The following RANBP17 variants were observed in gnomAD, a reference collection of about 807,000 sequenced individuals.
The protein encoded by RANBP17 is ran-binding protein 17.
Under a neutral mutation model 141.2 loss-of-function variants are expected in RANBP17, and 158 were observed. That is an observed-to-expected ratio of 1.12 (90% confidence interval 0.98 to 1.28). RANBP17 has a LOEUF of 1.28. Among genes scored for constraint, RANBP17 ranks in the 50% most tolerant of loss-of-function variants. The pLI is 0.00. For missense variants in RANBP17, 1,438 were observed against 1,290.7 expected, an observed-to-expected ratio of 1.11 and a Z score of -1.75; for synonymous variants, 430 against 450.0, an observed-to-expected ratio of 0.96 and a Z score of 0.56.
At chr5:171,260,481 GAGAT>G (rs1043131606) in intron 24 of RANBP17, among the ~76,000 whole-genome samples, 39 of 147,308 alleles carry the variant, frequency 2.6e-4, no homozygotes, top group African/African-American at 6.8e-4. Flanking sequence ...AAAAAAAAAA[GAGAT>G]AGATAACAGA....
chr5:171,026,263 C>A (rs900486820), intron 14 of RANBP17, among the ~76,000 whole-genome samples: 9 of 152,182 alleles, frequency 5.9e-5, no homozygotes, highest in African/African-American at 1.9e-4. Context: ...CCTTACAACA[C>A]CCTTACAATG....
chr5:171,185,796 T>C (rs1269789996), intron 18 of RANBP17, among the ~76,000 whole-genome samples: 3 of 152,272 alleles, frequency 2.0e-5, no homozygotes, highest in South Asian at 2.1e-4. Flanking sequence ...GTTGATATTA[T>C]GACCTCCCCA....
Position 170,924,488 on chromosome 5 carries a change from A to G in RANBP17, c.1406A>G (p.Gln469Arg), listed in dbSNP as rs1265688590. 6.2e-7 allele frequency: 1 copy of G among 1,613,060 alleles called. No individual in the cohort carries two copies. Among genetic ancestry groups the G allele is most frequent in the South Asian group, 1.1e-5 (1 of 91,006 alleles). Residue 469 changes from glutamine (Q) to arginine (R), a missense_variant, in exon 12 of 28, where the codon CAG becomes CGG. By Grantham distance (43) the Gln-to-Arg change is conservative (BLOSUM62 1). Transcript: ENST00000523189. ...LLVQLFDQNAQNYQKLLHPYS... is the reference protein window; with the variant it reads ...LLVQLFDQNARNYQKLLHPYS... ...GTGCAGTTATTCGACCAAAATGCAC[A>G]GAATTACCAAAAACTTCTGCATCCA...
intron 14 of RANBP17, among the ~76,000 whole-genome samples, chr5:171,149,369 T>G (rs994027576): frequency 1.3e-5 from 2 of 152,242 alleles, no homozygotes; most frequent in Non-Finnish European, 2.9e-5. Flanking sequence ...AGGAGAACTG[T>G]TTCCTATCTT....
At chr5:171,187,431 C>T (rs1354625818) in intron 18 of RANBP17, among the ~76,000 whole-genome samples, 1 of 150,488 alleles carries the variant, frequency 6.6e-6, no homozygotes, top group East Asian at 1.9e-4. Flanking sequence ...TGCCACAAAT[C>T]TTTAATTTGT....
At chr5:171,039,627 A>G (rs1782127168) in intron 14 of RANBP17, among the ~76,000 whole-genome samples, 1 of 152,020 alleles carries the variant, frequency 6.6e-6, no homozygotes, top group African/African-American at 2.4e-5. Context: ...ATAGACTGCT[A>G]GCTAGACTAA....
intron 14 of RANBP17, among the ~76,000 whole-genome samples, chr5:171,006,246 G>T (rs1206024473): frequency 2.6e-5 from 4 of 152,186 alleles, no homozygotes; most frequent in Non-Finnish European, 5.9e-5. Flanking sequence ...CCATTACTGG[G>T]TATATACCCA....
At chr5:170,923,687 G>A (rs1772665563) in intron 11 of RANBP17, among the ~76,000 whole-genome samples, 2 of 152,010 alleles carry the variant, frequency 1.3e-5, no homozygotes, top group Admixed American at 1.3e-4. Flanking sequence ...ACATTTTATG[G>A]TATTTAGCCT....
chr5:171,125,872 C>T (rs1011279816), intron 14 of RANBP17, among the ~76,000 whole-genome samples: 3 of 151,604 alleles, frequency 2.0e-5, no homozygotes, highest in African/African-American at 7.3e-5. Flanking sequence ...CTCAGTGCAA[C>T]CTCTGCCTCC....
chr5:171,277,668 T>TATATATATA (rs1491204335), intron 25 of RANBP17, among the ~76,000 whole-genome samples: 1 of 136,658 alleles, frequency 7.3e-6, no homozygotes, highest in African/African-American at 2.7e-5. Flanking sequence ...TATATATATA[T>TATATATATA]TTATGTCTTA....
chr5:171,012,803 T>C (rs968464340), intron 14 of RANBP17, among the ~76,000 whole-genome samples: 1 of 152,192 alleles, frequency 6.6e-6, no homozygotes, highest in Non-Finnish European at 1.5e-5. Context: ...ATATTTTCTT[T>C]TAGTTGAGAA....
chr5:171,249,140 C>A (rs2128001982), intron 24 of RANBP17, among the ~76,000 whole-genome samples: 1 of 152,304 alleles, frequency 6.6e-6, no homozygotes, highest in South Asian at 2.1e-4. Flanking sequence ...CACCCTAACC[C>A]TCCAAGAAAG....
intron 1 of RANBP17, among the ~76,000 whole-genome samples, chr5:170,871,019 C>T (rs1163846430): frequency 6.6e-6 from 1 of 152,072 alleles, no homozygotes; most frequent in Non-Finnish European, 1.5e-5. Flanking sequence ...TAAATGTCTT[C>T]TTTTGAGAAG....
At chr5:170,922,516 C>A (rs1772549015) in intron 11 of RANBP17, among the ~76,000 whole-genome samples, 1 of 152,174 alleles carries the variant, frequency 6.6e-6, no homozygotes, top group African/African-American at 2.4e-5. Flanking sequence ...ATTCAAGCCT[C>A]AGCAATGGCG....
chr5:171,291,844 G>A, intron 25 of RANBP17, among the ~76,000 whole-genome samples: 1 of 152,076 alleles, frequency 6.6e-6, no homozygotes. Flanking sequence ...ACCCATTTTA[G>A]CACAGTTTAT....
intron 14 of RANBP17, among the ~76,000 whole-genome samples, chr5:170,994,913 T>C (rs1039092512): frequency 2.6e-5 from 4 of 152,116 alleles, no homozygotes; most frequent in Admixed American, 1.3e-4. Context: ...CTAGATCTTA[T>C]GTCAGAAAAC....
chr5:171,232,453 A>G (rs1201793258), intron 22 of RANBP17, among the ~76,000 whole-genome samples: 2 of 152,018 alleles, frequency 1.3e-5, no homozygotes, highest in African/African-American at 2.4e-5. Flanking sequence ...TGTACCTATC[A>G]CTTTCTTTCT....
At chr5:170,864,712 A>G (rs144273020) in intron 1 of RANBP17, among the ~76,000 whole-genome samples, 6 of 152,244 alleles carry the variant, frequency 3.9e-5, no homozygotes, top group South Asian at 4.1e-4. Context: ...AGTTGATCCA[A>G]CTTTTTTGCT....
At chr5:171,002,299 AC>A (rs369267682) in intron 14 of RANBP17, among the ~76,000 whole-genome samples, 109 of 152,072 alleles carry the variant, frequency 7.2e-4, no homozygotes, top group African/African-American at 2.5e-3. Flanking sequence ...GGTGGGAGTG[AC>A]TGATGAGAAG....
Sources: gnomAD v4.1 joint callset for allele counts (sites outside exome capture counted in the v4.1 genomes callset) on GRCh38, gnomAD v4.1.1 for gene constraint, MANE v1.5 for transcripts, NCBI Gene and HGNC (gene_info 2026-07-23, HGNC 2026-07-21) for gene names.